AGTPBP1: variants seen among roughly 807,000 people sequenced by gnomAD.
AGTPBP1 encodes the protein ATP/GTP binding carboxypeptidase 1.
In AGTPBP1, 70 loss-of-function variants were observed where a neutral mutation model predicts 143.9. The observed-to-expected ratio is 0.49, with a 90% CI of 0.40 to 0.59. The LOEUF is 0.59. Ranked by LOEUF, AGTPBP1 falls within the 20% of genes least tolerant of loss-of-function variation. AGTPBP1 has a pLI of 0.00. For synonymous variants in AGTPBP1, 463 were observed against 500.2 expected, an observed-to-expected ratio of 0.93 and a Z score of 0.99; for missense variants, 1,229 against 1,464.5, an observed-to-expected ratio of 0.84 and a Z score of 2.62.
At chr9:85,747,005 C>T (rs929003735), upstream of AGTPBP1, among the ~76,000 whole-genome samples, 2 of 152,024 alleles carry the variant, frequency 1.3e-5, no homozygotes, top group Admixed American at 6.6e-5. Flanking sequence ...AGACGCATAC[C>T]ACCACACCTG....
chr9:85,621,447 G>T (rs1238588323), intron 14 of AGTPBP1, among the ~76,000 whole-genome samples, 162 bp from the exon 15 acceptor site: 1 of 150,832 alleles, frequency 6.6e-6, no homozygotes, highest in Non-Finnish European at 1.5e-5. Flanking sequence ...CTAGCAATAC[G>T]TAATAAGACA....
At chr9:85,623,520 C>T (rs1323111238) in intron 14 of AGTPBP1, among the ~76,000 whole-genome samples, 2 of 151,832 alleles carry the variant, frequency 1.3e-5, no homozygotes, top group African/African-American at 2.4e-5. Flanking sequence ...TCTGGGAGGC[C>T]GAGGCAGGAG....
chr9:85,609,557 A>G (rs1421581002), intron 17 of AGTPBP1, among the ~76,000 whole-genome samples: 3 of 152,202 alleles, frequency 2.0e-5, no homozygotes, highest in Non-Finnish European at 4.4e-5. Flanking sequence ...CTGGGATTAC[A>G]GACGTGAGCC....
At chr9:85,568,862 G>C (rs754664259) in intron 25 of AGTPBP1, among the ~76,000 whole-genome samples, 11 of 152,272 alleles carry the variant, frequency 7.2e-5, no homozygotes, top group Non-Finnish European at 1.5e-4. Context: ...GAATGAACAG[G>C]TTTGCTATGG....
chr9:85,698,679 CTTTTTTTTTTTT>C lies in AGTPBP1; in HGVS notation c.33-5878_33-5867del, dbSNP rs34248388. Among the ~76,000 whole-genome samples the C allele has an allele frequency of 3.6e-3, 275 of 76,584 alleles. 1 individual carries two copies. Among genetic ancestry groups the C allele is most frequent in the Non-Finnish European group, 4.9e-3 (208 of 42,834 alleles). The allele number at this position is 76,584 out of a possible 152,430, so 50.2% of individuals were successfully genotyped here. A position where few individuals can be genotyped will look rare whatever the true frequency, so the allele number is the denominator to read the frequency against. ...GGAAATGTATCTTCCCCACCTAACCCTTTTTTTTTTTTTTTTTTTTTTTTTTTTTTTGAGAAG... is the reference window on the plus strand; with the variant it reads ...GGAAATGTATCTTCCCCACCTAACCCTTTTTTTTTTTTTTTTTTTGAGAAG... On this transcript the variant is annotated intron_variant, in intron 2 of 25. Transcript: ENST00000357081.
Position 85,589,585 on chromosome 9 carries a change from A to G in AGTPBP1, c.2665T>C (p.Leu889=), listed in dbSNP as rs1395061504. Residue 889 remains leucine (L), a synonymous_variant, in exon 20 of 26, where the codon TTG becomes CTG. Transcript: ENST00000357081. Reference sequence around the variant, plus strand: ...TCTGGCATTGCTGTTATAGTCACCAAGGGGCAGCTGTTTCCAGACAGGGTT... The same window carrying G: ...TCTGGCATTGCTGTTATAGTCACCAGGGGGCAGCTGTTTCCAGACAGGGTT... ...CETLSGNSCP[L]VTITAMPESN... is the part of the protein sequence containing the mutation. 1 of 1,613,548 alleles carries G rather than the reference A, an allele frequency of 6.2e-7. No homozygotes were observed. The highest frequency in any genetic ancestry group is 2.2e-5 in the East Asian group (1 of 44,878).
intron 13 of AGTPBP1, 97 bp from the exon 14 acceptor site, chr9:85,633,471 T>C (rs1831825374): frequency 1.0e-6 from 1 of 1,003,948 alleles, no homozygotes; most frequent in Admixed American, 3.6e-5. Flanking sequence ...TCAGAAATTT[T>C]TGGAAATTTT....
chr9:85,597,143 C>T (rs1167036867), intron 17 of AGTPBP1, among the ~76,000 whole-genome samples: 1 of 151,790 alleles, frequency 6.6e-6, no homozygotes, highest in Non-Finnish European at 1.5e-5. Flanking sequence ...TTTCCTGGTA[C>T]AGAATAATTT....
chr9:85,577,864 C>A (rs954728257), intron 24 of AGTPBP1, among the ~76,000 whole-genome samples: 3 of 152,158 alleles, frequency 2.0e-5, no homozygotes, highest in Admixed American at 6.5e-5. Context: ...TATTTAAGCT[C>A]TCCTAAAATA....
chr9:85,800,807 TTGTGTGTGTGTGTGTG>T, the AGTPBP1 span, among the ~76,000 whole-genome samples: 1 of 144,604 alleles, frequency 6.9e-6, no homozygotes, highest in Non-Finnish European at 1.5e-5. Context: ...TTTAGAATGG[TTGTGTGTGTGTGTGTG>T]TGTGTGTGTG....
chr9:85,789,597 G>T, the AGTPBP1 span, among the ~76,000 whole-genome samples: 1 of 152,234 alleles, frequency 6.6e-6, no homozygotes, highest in Non-Finnish European at 1.5e-5. Context: ...ATTGATGAAG[G>T]TGCTTTTGTG....
chr9:85,701,332 C>T (rs942578839), intron 2 of AGTPBP1, among the ~76,000 whole-genome samples: 3 of 151,174 alleles, frequency 2.0e-5, no homozygotes, highest in Admixed American at 1.3e-4. Context: ...CTGGTTCAAG[C>T]GATTCTCCTG....
intron 25 of AGTPBP1, among the ~76,000 whole-genome samples, chr9:85,571,906 G>C (rs1293826249): frequency 6.6e-6 from 1 of 150,784 alleles, no homozygotes; most frequent in African/African-American, 2.4e-5. Context: ...AGGAAGAAGT[G>C]ACTAGTTTGC....
chr9:85,746,093 TGGG>T (rs921883046), upstream of AGTPBP1, among the ~76,000 whole-genome samples: 2 of 151,970 alleles, frequency 1.3e-5, no homozygotes, highest in African/African-American at 4.8e-5. Context: ...AAGATTAGGG[TGGG>T]GCGACCAGCC....
At chr9:85,632,556 T>C (rs1221881554) in intron 14 of AGTPBP1, 106 bp downstream of exon 14, 4 of 980,250 alleles carry the variant, frequency 4.1e-6, no homozygotes, top group Non-Finnish European at 5.9e-6. Flanking sequence ...CAGTAACTTA[T>C]AACTCACAGT....
chr9:85,775,599 T>A, the AGTPBP1 span, among the ~76,000 whole-genome samples: 1 of 146,654 alleles, frequency 6.8e-6, no homozygotes, highest in Admixed American at 6.8e-5. Context: ...TATATATATA[T>A]AAATATAAAG....
At chr9:85,634,070 C>G (rs769380513) in intron 13 of AGTPBP1, among the ~76,000 whole-genome samples, 1 of 150,630 alleles carries the variant, frequency 6.6e-6, no homozygotes, top group African/African-American at 2.4e-5. Context: ...TGGTGGACAC[C>G]GTAATCCCAG....
intron 3 of AGTPBP1, among the ~76,000 whole-genome samples, chr9:85,687,118 A>G (rs906958430): frequency 1.3e-5 from 2 of 152,192 alleles, no homozygotes; most frequent in African/African-American, 2.4e-5. Flanking sequence ...ATGAACTTTA[A>G]GTCTAGAACT....
intron 12 of AGTPBP1, 57 bp downstream of exon 12, chr9:85,646,264 T>C: frequency 7.8e-7 from 1 of 1,277,488 alleles, no homozygotes; most frequent in South Asian, 1.3e-5. Context: ...CAATTTTTGT[T>C]TTACAACTGT....
Sources: allele counts gnomAD v4.1 joint callset (sites outside exome capture counted in the v4.1 genomes callset), GRCh38; gene constraint gnomAD v4.1.1; transcripts MANE v1.5; gene names NCBI Gene and HGNC (gene_info 2026-07-23, HGNC 2026-07-21).